The following GABRG3 variants were observed in gnomAD, a reference collection of about 807,000 sequenced individuals.
GABRG3 encodes the protein gamma-aminobutyric acid receptor subunit gamma-3.
A neutral mutation model predicts 48.8 loss-of-function variants in GABRG3; 25 were observed. That is an observed-to-expected ratio of 0.51 (90% CI 0.37 to 0.72). GABRG3 has a LOEUF of 0.72. Among genes scored for constraint, GABRG3 ranks in the 30% least tolerant of loss-of-function variants. GABRG3 has a pLI of 0.00. For missense variants in GABRG3, 394 were observed against 577.9 expected (o/e 0.68, Z 3.26); for synonymous variants, 227 against 217.6 (o/e 1.04, Z -0.38).
In GABRG3 at chr15:27,533,406, C is replaced by T. The variant is rs1891476979; in HGVS notation, c.*525C>T. 2 of 154,586 alleles carry T rather than the reference C, an allele frequency of 1.3e-5. No homozygotes were observed. Among genetic ancestry groups the T allele is most frequent in the African/African-American group, 4.8e-5 (2 of 41,466 alleles). 9.6% of individuals were successfully genotyped at this position (154,586 alleles called of 1,614,324 possible). ...CAACCCCAGTCTCCTTTCTCTGTGG[C>T]CTCTCTGGCTCCAGCACCATCATCG... On this transcript the variant is annotated 3_prime_UTR_variant, in exon 10 of 10. Coordinates refer to ENST00000615808, the MANE Select transcript of GABRG3 (RefSeq NM_033223.5).
At chr15:27,169,568 C>T (rs1887494808) in intron 3 of GABRG3, among the ~76,000 whole-genome samples, 2 of 151,868 alleles carry the variant, frequency 1.3e-5, no homozygotes, top group Admixed American at 6.6e-5. Flanking sequence ...ACTGTGCTGC[C>T]GACATTTCCC....
intron 3 of GABRG3, among the ~76,000 whole-genome samples, chr15:27,072,008 A>G (rs1300581390): frequency 6.6e-6 from 1 of 152,212 alleles, no homozygotes; most frequent in East Asian, 1.9e-4. Context: ...GCAAAGCCGC[A>G]CAAAGAGCTC....
At chr15:27,001,888 G>GTTTTTTTTTTTTTTTTTTTTTTT (rs60516105) in intron 2 of GABRG3, among the ~76,000 whole-genome samples, 3 of 121,228 alleles carry the variant, frequency 2.5e-5, no homozygotes, top group East Asian at 2.4e-4. Context: ...CCATAACTCA[G>GTTTTTTTTTTTTTTTTTTTTTTT]TTTTTTTTTT....
At chr15:27,194,649 A>G (rs1479717486) in intron 3 of GABRG3, among the ~76,000 whole-genome samples, 1 of 152,126 alleles carries the variant, frequency 6.6e-6, no homozygotes, top group Non-Finnish European at 1.5e-5. Context: ...TTTTAAACCT[A>G]TATGCAATGT....
intron 3 of GABRG3, among the ~76,000 whole-genome samples, chr15:27,085,225 C>A (rs1897056198): frequency 6.6e-6 from 1 of 152,180 alleles, no homozygotes; most frequent in Non-Finnish European, 1.5e-5. Flanking sequence ...GATGTCACAT[C>A]TCTAGGCTGT....
chr15:27,021,178 T>C (rs899801897), intron 2 of GABRG3, among the ~76,000 whole-genome samples: 2 of 152,316 alleles, frequency 1.3e-5, no homozygotes, highest in African/African-American at 4.8e-5. Context: ...ACATCTGTTA[T>C]GTATCAATAA....
At position 26,974,754 on chromosome 15, in the gene GABRG3, A is replaced by G. The variant is rs1173982065; in HGVS notation, c.54-2248A>G. ...GATTCCCAGCTATCTAAATGCTTCA[A>G]CCTGCTCTTTAAGTTTTAAAAAATT... On this transcript the variant is annotated intron_variant, in intron 1 of 9. Transcript: ENST00000615808. The surrounding 1 kb of genome is among the most constrained non-coding windows in gnomAD (Gnocchi z 4.3). Among the ~76,000 whole-genome samples, 1 of 152,002 alleles carries G rather than the reference A, an allele frequency of 6.6e-6. No individual in the cohort carries two copies. Among genetic ancestry groups the G allele is most frequent in the African/African-American group, 2.4e-5 (1 of 41,374 alleles).
chr15:27,393,142 G>A (rs1045600845), intron 5 of GABRG3, among the ~76,000 whole-genome samples: 1 of 152,136 alleles, frequency 6.6e-6, no homozygotes, highest in Non-Finnish European at 1.5e-5. Flanking sequence ...TCAGGAGATT[G>A]AGACCATCCT....
intron 3 of GABRG3, among the ~76,000 whole-genome samples, chr15:27,141,069 G>A (rs1261484480): frequency 2.6e-5 from 4 of 152,120 alleles, no homozygotes; most frequent in African/African-American, 9.7e-5. Context: ...CAGATGCCCT[G>A]CCTTAGAGGT....
At chr15:26,983,607 C>T (rs987176430) in intron 2 of GABRG3, among the ~76,000 whole-genome samples, 3 of 151,916 alleles carry the variant, frequency 2.0e-5, no homozygotes, top group African/African-American at 4.8e-5. Flanking sequence ...CTTGTTTCTA[C>T]AAAAATAATA....
intron 3 of GABRG3, among the ~76,000 whole-genome samples, chr15:27,163,256 T>A (rs1312823083): frequency 6.6e-6 from 1 of 152,102 alleles, no homozygotes; most frequent in East Asian, 1.9e-4. Flanking sequence ...TTCCAACACT[T>A]TGGAAAACCA....
chr15:27,214,358 G>A (rs1381488219), intron 3 of GABRG3, among the ~76,000 whole-genome samples: 3 of 152,184 alleles, frequency 2.0e-5, no homozygotes, highest in East Asian at 1.9e-4. Context: ...TGGCCGCGTC[G>A]GGTATGCTGG....
intron 3 of GABRG3, among the ~76,000 whole-genome samples, chr15:27,265,461 G>A (rs936065272): frequency 2.0e-5 from 3 of 152,174 alleles, no homozygotes; most frequent in African/African-American, 7.2e-5. Flanking sequence ...AAAACTCTAA[G>A]CCTTATTTCT....
At chr15:27,426,892 G>T (rs2140618755) in intron 5 of GABRG3, among the ~76,000 whole-genome samples, 1 of 152,222 alleles carries the variant, frequency 6.6e-6, no homozygotes, top group African/African-American at 2.4e-5. Flanking sequence ...TCTGGTTGTG[G>T]CTTGCACTGC....
intron 5 of GABRG3, among the ~76,000 whole-genome samples, chr15:27,354,756 T>A (rs1051594034): frequency 1.3e-5 from 2 of 152,234 alleles, no homozygotes; most frequent in Non-Finnish European, 2.9e-5. Flanking sequence ...ATTTAAAGTA[T>A]GATTCAATTC....
chr15:27,534,439 T>G lies in GABRG3; in HGVS notation c.*1558T>G, dbSNP rs1320655122. ...GAACTGCAGAAGACTGTTTTGAAAC[T>G]TCTCCTCACCAATAGGCAAAACACA... On this transcript the variant is annotated 3_prime_UTR_variant, in exon 10 of 10. Transcript: ENST00000615808. The G allele has an allele frequency of 1.3e-5, 2 of 152,204 alleles. No individual in the cohort carries two copies. The highest frequency in any genetic ancestry group is 2.9e-5 in the Non-Finnish European group (2 of 68,040). 9.4% of individuals were successfully genotyped at this position (152,204 alleles called of 1,614,324 possible). A position where few individuals can be genotyped will look rare whatever the true frequency, so the allele number is the denominator to read the frequency against.
intron 5 of GABRG3, among the ~76,000 whole-genome samples, chr15:27,384,504 C>T (rs1011847271): frequency 6.6e-6 from 1 of 152,188 alleles, no homozygotes; most frequent in African/African-American, 2.4e-5. Flanking sequence ...CGCACACACA[C>T]ACAAGTGCTT....
chr15:27,441,075 C>T (rs1289404644), intron 5 of GABRG3, among the ~76,000 whole-genome samples: 1 of 152,156 alleles, frequency 6.6e-6, no homozygotes, highest in Admixed American at 6.5e-5. Flanking sequence ...AAAAAAAGAT[C>T]AAGGGGTTGT....
intron 5 of GABRG3, among the ~76,000 whole-genome samples, chr15:27,354,951 C>T (rs868603309): frequency 6.6e-6 from 1 of 152,144 alleles, no homozygotes; most frequent in South Asian, 2.1e-4. Context: ...TGCCCAGGAC[C>T]TGTGTGATAT....
Sources: allele counts gnomAD v4.1 joint callset (sites outside exome capture counted in the v4.1 genomes callset), GRCh38; gene constraint gnomAD v4.1.1; non-coding constraint Gnocchi (gnomAD v3.1); transcripts MANE v1.5; gene names NCBI Gene and HGNC (gene_info 2026-07-23, HGNC 2026-07-21).